PTPN13: variants seen among roughly 807,000 people sequenced by gnomAD.
The protein encoded by PTPN13 is protein tyrosine phosphatase non-receptor type 13.
Under a neutral mutation model 284.0 loss-of-function variants are expected in PTPN13, and 191 were observed. The observed-to-expected ratio is 0.67, with a 90% CI of 0.60 to 0.76. The LOEUF (loss-of-function observed/expected upper bound fraction) is 0.76. Among genes scored for constraint, PTPN13 ranks in the 30% least tolerant of loss-of-function variants. The probability of loss-of-function intolerance (pLI) is 0.00; values close to 1 mark genes in which losing one functional copy is unlikely to be tolerated. For missense variants in PTPN13, 2,797 were observed against 2,939.9 expected, an observed-to-expected ratio of 0.95 and a Z score of 1.12; for synonymous variants, 986 against 1,022.3, an observed-to-expected ratio of 0.96 and a Z score of 0.68.
At chr4:86,626,190 A>C (rs1055522103) in intron 1 of PTPN13, among the ~76,000 whole-genome samples, 1 of 152,104 alleles carries the variant, frequency 6.6e-6, no homozygotes, top group Non-Finnish European at 1.5e-5. Context: ...TTTTCTTCTT[A>C]TTCTTTGAAG....
intron 40 of PTPN13, among the ~76,000 whole-genome samples, chr4:86,791,777 G>A (rs542748821): frequency 4.9e-4 from 74 of 152,284 alleles, no homozygotes; most frequent in African/African-American, 1.7e-3. Flanking sequence ...CCTGTTAGAA[G>A]GGAAACTAAC....
In PTPN13 at chr4:86,732,590, A is replaced by G. The variant is rs1386363105; in HGVS notation, c.1684-2A>G. ...AAATGCCGTTTATTTTTTCAATTGTAGACTAAGAAAGGGAAGAATGAGGAT... is the reference window on the plus strand; with the variant it reads ...AAATGCCGTTTATTTTTTCAATTGTGGACTAAGAAAGGGAAGAATGAGGAT... On this transcript the variant is annotated splice_acceptor_variant, in intron 11 of 47. Coordinates refer to ENST00000411767, the MANE Select transcript of PTPN13 (RefSeq NM_080683.3). LOFTEE classifies it high-confidence loss of function. 1 of 1,609,974 alleles carries G rather than the reference A, an allele frequency of 6.2e-7. No individual in the cohort carries two copies. Among genetic ancestry groups the G allele is most frequent in the Admixed American group, 1.7e-5 (1 of 59,438 alleles).
intron 1 of PTPN13, among the ~76,000 whole-genome samples, chr4:86,603,462 G>A (rs1483370727): frequency 2.6e-5 from 4 of 152,112 alleles, no homozygotes; most frequent in Non-Finnish European, 5.9e-5. Context: ...TTTAGAAAGT[G>A]TTTGTGGTCA....
At chr4:86,770,234 G>A (rs1448779578) in intron 30 of PTPN13, 35 bp downstream of exon 30, 1 of 1,549,802 alleles carries the variant, frequency 6.5e-7, no homozygotes, top group South Asian at 1.2e-5. Context: ...CAGTTTTATA[G>A]AATATCAACT....
intron 37 of PTPN13, among the ~76,000 whole-genome samples, chr4:86,782,663 A>G (rs930378011): frequency 6.6e-6 from 1 of 152,192 alleles, no homozygotes; most frequent in Non-Finnish European, 1.5e-5. Context: ...AAATCTGTGC[A>G]ATCAGTGAGG....
At chr4:86,669,282 G>GACGT in intron 2 of PTPN13, among the ~76,000 whole-genome samples, 1 of 45,818 alleles carries the variant, frequency 2.2e-5, no homozygotes, top group Non-Finnish European at 4.3e-5. Flanking sequence ...TTGGGAAGAA[G>GACGT]ATGTATATAT....
intron 14 of PTPN13, 147 bp from the exon 15 acceptor site, chr4:86,735,447 A>G (rs1446141244): frequency 2.6e-5 from 21 of 809,094 alleles, no homozygotes; most frequent in Non-Finnish European, 3.6e-5. Flanking sequence ...AGACTGATGC[A>G]TTTCTTCTAA....
chr4:86,721,620 G>A (rs954559751), intron 9 of PTPN13, among the ~76,000 whole-genome samples: 10 of 151,936 alleles, frequency 6.6e-5, no homozygotes, highest in Admixed American at 1.3e-4. Flanking sequence ...GACTTCAAGG[G>A]TTTTAGGAGC....
intron 1 of PTPN13, among the ~76,000 whole-genome samples, chr4:86,618,988 T>G (rs141186051): frequency 0.047 from 7,163 of 152,098 alleles, 227 homozygotes; most frequent in African/African-American, 0.062. Context: ...GGTGAGAGAG[T>G]GCATCCCTGT....
At chr4:86,761,170 A>ATATATAT (rs60263343) in intron 23 of PTPN13, among the ~76,000 whole-genome samples, 10 of 144,292 alleles carry the variant, frequency 6.9e-5, no homozygotes, top group South Asian at 6.5e-4. Context: ...ATATATATAT[A>ATATATAT]AACACAACAC....
At chr4:86,673,061 A>G (rs924150111) in intron 3 of PTPN13, among the ~76,000 whole-genome samples, 1 of 152,208 alleles carries the variant, frequency 6.6e-6, no homozygotes, top group Admixed American at 6.5e-5. Context: ...TCGCATTCCT[A>G]TGAGAATCTA....
At chr4:86,633,976 T>G (rs1331478747) in intron 1 of PTPN13, among the ~76,000 whole-genome samples, 1 of 152,190 alleles carries the variant, frequency 6.6e-6, no homozygotes, top group African/African-American at 2.4e-5. Context: ...ATTGTGTATA[T>G]AAGTAGACAC....
chr4:86,748,301 G>C (rs1476319269), intron 17 of PTPN13, among the ~76,000 whole-genome samples: 1 of 152,132 alleles, frequency 6.6e-6, no homozygotes, highest in Non-Finnish European at 1.5e-5. Flanking sequence ...TTAGTATTAG[G>C]ATACAGGCTC....
chr4:86,722,975 G>C (rs73835709), intron 10 of PTPN13, among the ~76,000 whole-genome samples: 4,695 of 152,138 alleles, frequency 0.031, 240 homozygotes, highest in African/African-American at 0.11. Context: ...TCTGTATCTT[G>C]TATCTTGTGG....
At chr4:86,730,875 G>A (rs750189250) in intron 10 of PTPN13, among the ~76,000 whole-genome samples, 10 of 152,118 alleles carry the variant, frequency 6.6e-5, no homozygotes, top group East Asian at 1.9e-4. Context: ...GAAATCACCC[G>A]TCTTCTGTGT....
At chr4:86,597,025 C>A (rs1430341412) in intron 1 of PTPN13, among the ~76,000 whole-genome samples, 1 of 152,034 alleles carries the variant, frequency 6.6e-6, no homozygotes. Flanking sequence ...TCCTGTTTGC[C>A]TCTGATGCAA....
intron 35 of PTPN13, among the ~76,000 whole-genome samples, chr4:86,779,265 ATC>A (rs1565558514): frequency 6.6e-6 from 1 of 151,834 alleles, no homozygotes; most frequent in Non-Finnish European, 1.5e-5. Context: ...AATACAAAAA[ATC>A]TTAGCCGGGC....
chr4:86,609,521 T>G (rs1257557668), intron 1 of PTPN13, among the ~76,000 whole-genome samples: 1 of 152,202 alleles, frequency 6.6e-6, no homozygotes, highest in Non-Finnish European at 1.5e-5. Context: ...TTAGTCTTCC[T>G]CAGTGTGAAA....
intron 40 of PTPN13, among the ~76,000 whole-genome samples, chr4:86,791,373 G>T (rs146770237): frequency 6.6e-6 from 1 of 152,204 alleles, no homozygotes; most frequent in African/African-American, 2.4e-5. Context: ...AGAGCCCACC[G>T]CAACTCAGCA....
Sources: gnomAD v4.1 joint callset for allele counts (sites outside exome capture counted in the v4.1 genomes callset) on GRCh38, gnomAD v4.1.1 for gene constraint, MANE v1.5 for transcripts, NCBI Gene and HGNC (gene_info 2026-07-23, HGNC 2026-07-21) for gene names.